The following PRR29 variants were observed in gnomAD, a reference collection of about 807,000 sequenced individuals.
PRR29 encodes proline rich 29, also known as proline-rich protein 29.
PRR29 carries 20 observed loss-of-function variants against 25.1 expected under a neutral mutation model. The observed-to-expected ratio is 0.80, with a 90% CI of 0.56 to 1.16. The LOEUF (loss-of-function observed/expected upper bound fraction) is 1.16, where lower values mean the gene tolerates loss of function less well. PRR29 is among the 50% of genes most tolerant of loss of function. The pLI is 0.00. For synonymous variants in PRR29, 108 were observed against 102.6 expected (o/e 1.05, Z -0.32); for missense variants, 238 against 246.6 (o/e 0.97, Z 0.23).
Position 64,002,750 on chromosome 17 carries a change from T to C in PRR29, c.*989T>C. ...GTGGCCATGCCACTCATGGTTGCTA[T>C]GGCCGGAAGGCCTGGGGCAGCCTCC... is the stretch of plus-strand genomic sequence containing the variant. On this transcript the variant is annotated 3_prime_UTR_variant, in exon 6 of 6. Transcript: ENST00000412177. 1 of 1,610,932 alleles carries C rather than the reference T, an allele frequency of 6.2e-7. No individual in the cohort carries two copies. Among genetic ancestry groups the C allele is most frequent in the Non-Finnish European group, 8.5e-7 (1 of 1,179,532 alleles).
chr17:63,998,809 AC>A, intron 2 of PRR29, 27 bp downstream of exon 2: 4 of 434,288 alleles, frequency 9.2e-6, no homozygotes, highest in South Asian at 2.4e-5. Context: ...CCCCCACCCC[AC>A]CCCCACCATC....
rs1238265375 is a variant in PRR29 at position 64,004,238 on chromosome 17, G to C, written c.*2477G>C. ...CAACTGGAAAGATATAAAAGTTTGGGTCTGTCTCCTCTCCTTCAGAAATGA... is the reference window on the plus strand; with the variant it reads ...CAACTGGAAAGATATAAAAGTTTGGCTCTGTCTCCTCTCCTTCAGAAATGA... On this transcript the variant is annotated 3_prime_UTR_variant, in exon 6 of 6. Transcript: ENST00000412177. The C allele has an allele frequency of 2.9e-5, 13 of 453,892 alleles. No individual in the cohort carries two copies. Among genetic ancestry groups the C allele is most frequent in the Non-Finnish European group, 4.7e-5 (12 of 253,910 alleles). 28.1% of individuals were successfully genotyped at this position (453,892 alleles called of 1,614,324 possible). A position where few individuals can be genotyped will look rare whatever the true frequency, so the allele number is the denominator to read the frequency against.
rs1401881015 is a variant in PRR29, at chr17:64,001,179, G to T, written c.339G>T (p.Leu113Phe). The change falls in exon 4 of 6, where the codon TTG becomes TTT. Residue 113 changes from leucine (L) to phenylalanine (F), a missense_variant. Coordinates refer to ENST00000412177, the MANE Select transcript of PRR29 (RefSeq NM_001164257.2). Reference protein sequence around the residue: ...KGPLVFHHHYLPYLMPSPGAL... With the variant: ...KGPLVFHHHYFPYLMPSPGAL... The stretch of plus-strand genomic sequence containing the variant: ...CTTTGGTGTTTCACCACCACTACTT[G>T]CCCTATTTGATGCCCTCCCCGGGTG... 1 of 1,537,458 alleles carries T rather than the reference G, an allele frequency of 6.5e-7. No individual in the cohort carries two copies. The highest frequency in any genetic ancestry group is 8.7e-7 in the Non-Finnish European group (1 of 1,146,954).
chr17:64,003,949 A>G lies in PRR29; in HGVS notation c.*2188A>G. ...CAAAGTGGGTTGCAGTGTCAGGATG[A>G]CCTGCCTTGGAGGCTCTGCAGGGGA... On this transcript the variant is annotated 3_prime_UTR_variant, in exon 6 of 6. Transcript: ENST00000412177. 6.2e-7 allele frequency: 1 copy of G among 1,612,396 alleles called. No homozygotes were observed. The highest frequency in any genetic ancestry group is 8.5e-7 in the Non-Finnish European group (1 of 1,179,236).
rs772200649 is a variant in PRR29, at chr17:64,004,138, G to C, written c.*2377G>C. The C allele has an allele frequency of 6.8e-6, 4 of 586,592 alleles. No homozygotes were observed. In the African/African-American group the frequency reaches 7.4e-5, roughly 11 times the overall value. 36.3% of individuals were successfully genotyped at this position (586,592 alleles called of 1,614,324 possible). A position where few individuals can be genotyped will look rare whatever the true frequency, so the allele number is the denominator to read the frequency against. On this transcript the variant is annotated 3_prime_UTR_variant, in exon 6 of 6. Transcript: ENST00000412177. ...AGCAGTTGAGGATGGAGGCTGGACT[G>C]TGTGGTAGTTTTACAGACATGATGG...
At chr17:64,001,607 C>T in intron 5 of PRR29, 70 bp downstream of exon 5, 1 of 1,492,758 alleles carries the variant, frequency 6.7e-7, no homozygotes, top group African/African-American at 1.4e-5. Flanking sequence ...GGGCCCTGTG[C>T]CCTCTGGTGG....
At position 64,002,895 on chromosome 17, in the gene PRR29, A is replaced by G. The variant is rs767395004; in HGVS notation, c.*1134A>G. The G allele has an allele frequency of 1.2e-6, 2 of 1,613,710 alleles. No individual in the cohort carries two copies. Among genetic ancestry groups the G allele is most frequent in the Non-Finnish European group, 8.5e-7 (1 of 1,179,918 alleles). ...CAGCAACACCGACACCACCGTGACT[A>G]TGATGACCATCTGGCTGTCCGACAC... On this transcript the variant is annotated 3_prime_UTR_variant, in exon 6 of 6. Transcript: ENST00000412177.
rs1446158257 is a variant in PRR29 at position 64,001,812 on chromosome 17, C to T, written c.*51C>T. 2.0e-6 allele frequency: 3 copies of T among 1,537,124 alleles called. No individual in the cohort carries two copies. The highest frequency in any genetic ancestry group is 1.2e-5 in the South Asian group (1 of 84,068). On this transcript the variant is annotated 3_prime_UTR_variant, in exon 6 of 6. Coordinates refer to ENST00000412177, the MANE Select transcript of PRR29 (RefSeq NM_001164257.2). The stretch of plus-strand genomic sequence containing the variant: ...CACCAGCTTCCTGCTCTGGATACAG[C>T]CCCGGAGCCGCCTCCTGCACCTCTC...
chr17:63,998,460 C>G, intron 1 of PRR29, 36 bp downstream of exon 1: 8 of 1,454,808 alleles, frequency 5.5e-6, no homozygotes, highest in South Asian at 4.1e-5. Flanking sequence ...CCTGCCTTAG[C>G]TTGGGAGACG....
In PRR29 at chr17:64,002,868, G is replaced by C; in HGVS notation, c.*1107G>C. On this transcript the variant is annotated 3_prime_UTR_variant, in exon 6 of 6. Transcript: ENST00000412177. ...GAGCAGGACAGATGTCACGAACAGGGACAGCAACACCGACACCACCGTGAC... is the reference window on the plus strand; with the variant it reads ...GAGCAGGACAGATGTCACGAACAGGCACAGCAACACCGACACCACCGTGAC... The C allele has an allele frequency of 6.2e-7, 1 of 1,613,892 alleles. No individual in the cohort carries two copies. Among genetic ancestry groups the C allele is most frequent in the East Asian group, 2.2e-5 (1 of 44,850 alleles).
rs1597999973 is a variant in PRR29 at position 63,998,361 on chromosome 17, A to G, written c.-4A>G. 6.5e-7 allele frequency: 1 copy of G among 1,531,284 alleles called. No individual in the cohort carries two copies. Among genetic ancestry groups the G allele is most frequent in the Non-Finnish European group, 8.7e-7 (1 of 1,144,814 alleles). 94.9% of individuals were successfully genotyped at this position (1,531,284 alleles called of 1,614,324 possible). A position where few individuals can be genotyped will look rare whatever the true frequency, so the allele number is the denominator to read the frequency against. ...CGGCGTCGCCAAGGCAACCGGCGCC[A>G]GCCATGGCCTCTGGGGCGGGCGGAA... On this transcript the variant is annotated 5_prime_UTR_variant, in exon 1 of 6. Transcript: ENST00000412177.
Position 64,003,912 on chromosome 17 carries a change from G to A in PRR29, c.*2151G>A, listed in dbSNP as rs1431977961. ...CCCTGCACTCAATGGTGAAGGACTTGCCCACAGCCACCAAAGTGGGTTGCA... is the reference window on the plus strand; with the variant it reads ...CCCTGCACTCAATGGTGAAGGACTTACCCACAGCCACCAAAGTGGGTTGCA... On this transcript the variant is annotated 3_prime_UTR_variant, in exon 6 of 6. Transcript: ENST00000412177. 1 of 1,613,976 alleles carries A rather than the reference G, an allele frequency of 6.2e-7. No homozygotes were observed. The highest frequency in any genetic ancestry group is 8.5e-7 in the Non-Finnish European group (1 of 1,180,004).
In PRR29 at chr17:63,998,797, T is replaced by TGGCCCCCCCCC; in HGVS notation, c.136+15_136+16insGGCCCCCCCCC. 1.9e-6 allele frequency: 2 copies of TGGCCCCCCCCC among 1,062,600 alleles called. No homozygotes were observed. Among genetic ancestry groups the TGGCCCCCCCCC allele is most frequent in the Non-Finnish European group, 2.6e-6 (2 of 761,698 alleles). The allele number at this position is 1,062,600 out of a possible 1,614,324, so 65.8% of individuals were successfully genotyped here. On this transcript the variant is annotated intron_variant, in intron 2 of 5. Coordinates refer to ENST00000412177, the MANE Select transcript of PRR29 (RefSeq NM_001164257.2). ...CGTGAAGGAAGGTGAGACTCCCGGG[T>TGGCCCCCCCCC]CCCCCCACCCCACCCCCACCATCAC... is the stretch of plus-strand genomic sequence containing the variant.
intron 2 of PRR29, 30 bp downstream of exon 2, chr17:63,998,812 CCCACCA>C: frequency 8.8e-7 from 1 of 1,141,042 alleles, no homozygotes; most frequent in Non-Finnish European, 1.3e-6. Flanking sequence ...CCACCCCACC[CCCACCA>C]TCACCACCAC....
intron 3 of PRR29, among the ~76,000 whole-genome samples, chr17:64,000,538 C>T (rs1910580758): frequency 6.6e-6 from 1 of 151,814 alleles, no homozygotes; most frequent in African/African-American, 2.4e-5. Context: ...ACTATGTTAG[C>T]CAGGATGGTC....
Sources: gnomAD v4.1 joint callset for allele counts (sites outside exome capture counted in the v4.1 genomes callset) on GRCh38, gnomAD v4.1.1 for gene constraint, MANE v1.5 for transcripts, NCBI Gene and HGNC (gene_info 2026-07-23, HGNC 2026-07-21) for gene names.